Variants in QTMAN observed in about 807,000 individuals in gnomAD.
The protein encoded by QTMAN is tRNA-queuosine alpha-mannosyltransferase.
chr2:144,279,362 C>T, the QTMAN span, among the ~76,000 whole-genome samples: 1 of 148,658 alleles, frequency 6.7e-6, no homozygotes, highest in African/African-American at 2.5e-5. Flanking sequence ...TACTGCATCT[C>T]CTCACCGCAA....
chr2:144,035,988 T>C, the QTMAN span, among the ~76,000 whole-genome samples: 5 of 152,188 alleles, frequency 3.3e-5, no homozygotes, highest in African/African-American at 1.2e-4. Flanking sequence ...AATCCCAGGA[T>C]ACCAGAGCAT....
chr2:144,272,238 T>C, the QTMAN span, among the ~76,000 whole-genome samples: 1 of 152,234 alleles, frequency 6.6e-6, no homozygotes, highest in African/African-American at 2.4e-5. Context: ...AACTCAGTTA[T>C]GCATCTATTG....
At chr2:143,983,001 T>C in the QTMAN span, among the ~76,000 whole-genome samples, 1 of 152,152 alleles carries the variant, frequency 6.6e-6, no homozygotes, top group Non-Finnish European at 1.5e-5. Flanking sequence ...AAAGAAGCTA[T>C]TCAAAACCAA....
At chr2:144,278,360 G>A in the QTMAN span, among the ~76,000 whole-genome samples, 1 of 152,118 alleles carries the variant, frequency 6.6e-6, no homozygotes, top group African/African-American at 2.4e-5. Flanking sequence ...AGTGCAAAGA[G>A]TGGAAGAATA....
At chr2:144,306,156 G>A in the QTMAN span, among the ~76,000 whole-genome samples, 4 of 152,106 alleles carry the variant, frequency 2.6e-5, no homozygotes, top group Non-Finnish European at 5.9e-5. Flanking sequence ...TTACATAGAT[G>A]CCCTTTCCCA....
the QTMAN span, among the ~76,000 whole-genome samples, chr2:144,281,644 A>G: frequency 6.6e-6 from 1 of 152,134 alleles, no homozygotes; most frequent in Non-Finnish European, 1.5e-5. Flanking sequence ...TGAGGCTATT[A>G]GAGTGGGTGG....
the QTMAN span, chr2:144,006,520 C>T: frequency 6.6e-6 from 1 of 152,052 alleles, no homozygotes; most frequent in East Asian, 1.9e-4. Flanking sequence ...AATGTTCATG[C>T]CTAATACCAG....
chr2:144,113,026 G>A, the QTMAN span, among the ~76,000 whole-genome samples: 3 of 152,198 alleles, frequency 2.0e-5, no homozygotes, highest in South Asian at 2.1e-4. Context: ...AGGATCCAGA[G>A]TCTCATAACA....
chr2:144,257,075 C>A, the QTMAN span, among the ~76,000 whole-genome samples: 3 of 124,940 alleles, frequency 2.4e-5, no homozygotes, highest in Non-Finnish European at 3.4e-5. Flanking sequence ...GTCTCTACTC[C>A]AGAAACAAAC....
chr2:144,273,911 G>A, the QTMAN span, among the ~76,000 whole-genome samples: 20 of 152,182 alleles, frequency 1.3e-4, no homozygotes, highest in Admixed American at 6.5e-4. Context: ...CAAGGTGGGC[G>A]GATCACAAGG....
the QTMAN span, among the ~76,000 whole-genome samples, chr2:143,977,179 G>A: frequency 2.0e-5 from 3 of 152,220 alleles, no homozygotes; most frequent in East Asian, 3.9e-4. Flanking sequence ...AGACATTCAA[G>A]ATGGTAAGAT....
chr2:144,242,555 A>G, the QTMAN span, among the ~76,000 whole-genome samples: 2 of 152,242 alleles, frequency 1.3e-5, no homozygotes, highest in South Asian at 2.1e-4. Flanking sequence ...CAACATTAAC[A>G]TAAAGTTATT....
chr2:144,170,967 G>C, the QTMAN span, among the ~76,000 whole-genome samples: 1 of 152,106 alleles, frequency 6.6e-6, no homozygotes, highest in South Asian at 2.1e-4. Context: ...AGTAACTAGA[G>C]GAAGAAAACA....
chr2:144,243,815 G>C, the QTMAN span, among the ~76,000 whole-genome samples: 1 of 152,112 alleles, frequency 6.6e-6, no homozygotes, highest in African/African-American at 2.4e-5. Context: ...CAATGTGGCA[G>C]GACTAAAAGA....
the QTMAN span, among the ~76,000 whole-genome samples, chr2:144,142,806 G>A: frequency 6.6e-6 from 1 of 151,962 alleles, no homozygotes; most frequent in Admixed American, 6.6e-5. Flanking sequence ...GCAACACCAT[G>A]ATCTTCGAAT....
chr2:144,224,970 A>C, the QTMAN span, among the ~76,000 whole-genome samples: 1 of 152,172 alleles, frequency 6.6e-6, no homozygotes, highest in Non-Finnish European at 1.5e-5. Flanking sequence ...CGAATAGTTC[A>C]AGAAGGTGAA....
At chr2:143,992,225 T>C in the QTMAN span, among the ~76,000 whole-genome samples, 1 of 150,294 alleles carries the variant, frequency 6.7e-6, no homozygotes, top group African/African-American at 2.5e-5. Context: ...TGTTGATCTG[T>C]GACCTTACCC....
the QTMAN span, among the ~76,000 whole-genome samples, chr2:144,329,305 A>T: frequency 6.6e-6 from 1 of 152,194 alleles, no homozygotes; most frequent in African/African-American, 2.4e-5. Flanking sequence ...AAGAGGTAAG[A>T]ATATAAGTAA....
the QTMAN span, among the ~76,000 whole-genome samples, chr2:143,995,800 T>G: frequency 6.6e-6 from 1 of 152,208 alleles, no homozygotes; most frequent in Non-Finnish European, 1.5e-5. Flanking sequence ...CTGTCTTTAG[T>G]GTTGACTGCT....
Sources: allele counts gnomAD v4.1 joint callset (sites outside exome capture counted in the v4.1 genomes callset), GRCh38; gene constraint gnomAD v4.1.1; transcripts MANE v1.5; gene names NCBI Gene and HGNC (gene_info 2026-07-23, HGNC 2026-07-21).